The following PCBD2 variants were observed in gnomAD, a reference collection of about 807,000 sequenced individuals.
The protein encoded by PCBD2 is pterin-4 alpha-carbinolamine dehydratase 2.
PCBD2 carries 12 observed loss-of-function variants against 16.4 expected under a neutral mutation model. The ratio of observed to expected loss-of-function variants is 0.73; its 90% CI spans 0.47 to 1.19. The LOEUF is 1.19. Ranked by LOEUF, PCBD2 falls within the 50% of genes most tolerant of loss-of-function variation. The probability of loss-of-function intolerance (pLI) is 0.00; values close to 1 mark genes in which losing one functional copy is unlikely to be tolerated. For synonymous variants in PCBD2, 58 were observed against 61.8 expected, an observed-to-expected ratio of 0.94 and a Z score of 0.29; for missense variants, 138 against 156.8, an observed-to-expected ratio of 0.88 and a Z score of 0.64.
chr5:134,934,895 TA>T (rs1156561991), intron 2 of PCBD2, among the ~76,000 whole-genome samples: 1 of 152,234 alleles, frequency 6.6e-6, no homozygotes, highest in African/African-American at 2.4e-5. Context: ...TCAAGACTGT[TA>T]AAAAACATCT....
chr5:134,927,084 G>T (rs1751014078), intron 2 of PCBD2: 1 of 398,434 alleles, frequency 2.5e-6, no homozygotes, highest in African/African-American at 2.1e-5. Flanking sequence ...AAGTCCGTGG[G>T]CGACTATGAG....
At chr5:134,906,070 C>T (rs1750685335) in intron 1 of PCBD2, among the ~76,000 whole-genome samples, 1 of 151,514 alleles carries the variant, frequency 6.6e-6, no homozygotes, top group Non-Finnish European at 1.5e-5. Context: ...GAGGGGTTTT[C>T]GCCATGTTGG....
rs139526241 is a variant in PCBD2, at chr5:134,923,328, G to A, written c.216+12862G>A. On this transcript the variant is annotated intron_variant, in intron 2 of 3. Transcript: ENST00000254908. ...TAACCATGGTGAGAATAGTGTTAACGTCATTAGGGTGAGAAGAAAGAGAAA... is the reference window on the plus strand; with the variant it reads ...TAACCATGGTGAGAATAGTGTTAACATCATTAGGGTGAGAAGAAAGAGAAA... 2.4e-4 allele frequency: 39 copies of A among 161,434 alleles called. No individual in the cohort carries two copies. In the East Asian group the frequency reaches 6.5e-3, roughly 27 times the overall value. 10.0% of individuals were successfully genotyped at this position (161,434 alleles called of 1,614,324 possible). A position where few individuals can be genotyped will look rare whatever the true frequency, so the allele number is the denominator to read the frequency against.
Position 134,913,942 on chromosome 5 carries a change from G to C in PCBD2, c.216+3476G>C, listed in dbSNP as rs539386490. ...AGCTGTGGAAGATGGGGTGCAAGGT[G>C]GGGGGCAGGGGTATGGAGGTGAGAA... On this transcript the variant is annotated intron_variant, in intron 2 of 3. Transcript: ENST00000254908. Among the ~76,000 whole-genome samples, 3 of 152,172 alleles carry C rather than the reference G, an allele frequency of 2.0e-5. No individual in the cohort carries two copies. In the South Asian group the frequency reaches 6.2e-4, roughly 32 times the overall value.
At chr5:134,915,081 C>G (rs1750812406) in intron 2 of PCBD2, among the ~76,000 whole-genome samples, 1 of 152,128 alleles carries the variant, frequency 6.6e-6, no homozygotes, top group Non-Finnish European at 1.5e-5. Flanking sequence ...CTTTGGGAAG[C>G]TGAGGTAGGT....
chr5:134,908,664 C>CA (rs540737382), intron 1 of PCBD2, among the ~76,000 whole-genome samples: 1,640 of 60,356 alleles, frequency 0.027, 28 homozygotes, highest in South Asian at 0.11. Flanking sequence ...GACTTGGTCT[C>CA]AAAAAAAAAA....
chr5:134,929,779 A>G (rs1751069948), intron 2 of PCBD2, among the ~76,000 whole-genome samples: 1 of 152,004 alleles, frequency 6.6e-6, no homozygotes, highest in East Asian at 1.9e-4. Context: ...GCAGTCTCCA[A>G]CTCCTGGGCT....
chr5:134,908,265 CTG>C (rs2149529452), intron 1 of PCBD2, among the ~76,000 whole-genome samples: 1 of 147,410 alleles, frequency 6.8e-6, no homozygotes, highest in East Asian at 2.0e-4. Flanking sequence ...GAGTTTCACT[CTG>C]TTGCCCAGGC....
chr5:134,910,276 TAA>T, intron 1 of PCBD2, 57 bp from the exon 2 acceptor site: 1 of 1,560,428 alleles, frequency 6.4e-7, no homozygotes, highest in Non-Finnish European at 8.7e-7. Context: ...TAAGGAGCCA[TAA>T]GTTTGAGTTT....
At chr5:134,941,192 G>A (rs1751223581) in intron 2 of PCBD2, among the ~76,000 whole-genome samples, 3 of 151,276 alleles carry the variant, frequency 2.0e-5, no homozygotes, top group Middle Eastern at 3.4e-3. Flanking sequence ...AGCACACACT[G>A]CCTGCACCTT....
At chr5:134,944,818 T>C (rs1751272059) in intron 2 of PCBD2, among the ~76,000 whole-genome samples, 1 of 152,206 alleles carries the variant, frequency 6.6e-6, no homozygotes, top group Non-Finnish European at 1.5e-5. Context: ...GATATGACAA[T>C]AAACAGAAAT....
intron 1 of PCBD2, among the ~76,000 whole-genome samples, chr5:134,908,446 C>A (rs1750725336): frequency 6.6e-6 from 1 of 152,040 alleles, no homozygotes; most frequent in African/African-American, 2.4e-5. Context: ...GGGCGGATCC[C>A]TCGAGGTCAG....
chr5:134,905,290 C>T (rs1561904678), intron 1 of PCBD2, 67 bp downstream of exon 1: 3 of 1,195,754 alleles, frequency 2.5e-6, no homozygotes, highest in Non-Finnish European at 3.1e-6. Context: ...CCGGCGGCGT[C>T]GGCTGAGGGA....
intron 2 of PCBD2, among the ~76,000 whole-genome samples, chr5:134,944,542 AAC>A (rs1161887258): frequency 3.9e-5 from 6 of 152,096 alleles, no homozygotes; most frequent in East Asian, 3.9e-4. Flanking sequence ...TAAAAAAAAA[AAC>A]ACAACAACCC....
intron 2 of PCBD2, among the ~76,000 whole-genome samples, chr5:134,932,300 C>T (rs1561911391): frequency 1.3e-5 from 2 of 152,000 alleles, no homozygotes; most frequent in Admixed American, 1.3e-4. Context: ...ACCTCCGCCT[C>T]CTGAGTAGCT....
intron 2 of PCBD2, among the ~76,000 whole-genome samples, chr5:134,946,494 C>CA (rs1442977270): frequency 6.6e-6 from 1 of 152,128 alleles, no homozygotes; most frequent in Non-Finnish European, 1.5e-5. Context: ...ACTTTTCTTG[C>CA]AGAAAATATT....
At chr5:134,956,411 A>T (rs1246669523) in intron 2 of PCBD2, among the ~76,000 whole-genome samples, 2 of 152,178 alleles carry the variant, frequency 1.3e-5, no homozygotes, top group Non-Finnish European at 2.9e-5. Flanking sequence ...TACTATACTG[A>T]TGGCATGCCA....
chr5:134,919,930 T>A lies in PCBD2; in HGVS notation c.216+9464T>A, dbSNP rs369463355. On this transcript the variant is annotated intron_variant, in intron 2 of 3. Transcript: ENST00000254908. Reference sequence around the variant, plus strand: ...GACACAGAACTTGCATTTAGATGTGTCAGAATACAAATATTGGGTGCCTGA... The same window carrying A: ...GACACAGAACTTGCATTTAGATGTGACAGAATACAAATATTGGGTGCCTGA... Among the ~76,000 whole-genome samples the A allele has an allele frequency of 2.6e-5, 4 of 152,260 alleles. No individual in the cohort carries two copies. The East Asian group carries it at 7.7e-4, about 29-fold the overall frequency.
intron 2 of PCBD2, among the ~76,000 whole-genome samples, chr5:134,920,475 A>G (rs1438801363): frequency 2.0e-5 from 3 of 152,218 alleles, no homozygotes; most frequent in African/African-American, 7.2e-5. Context: ...TACTTCCCAG[A>G]GGAAGGGAAT....
Sources: allele counts gnomAD v4.1 joint callset (sites outside exome capture counted in the v4.1 genomes callset), GRCh38; gene constraint gnomAD v4.1.1; transcripts MANE v1.5; gene names NCBI Gene and HGNC (gene_info 2026-07-23, HGNC 2026-07-21).